TMEM231: variants seen among roughly 807,000 people sequenced by gnomAD.
TMEM231 encodes transmembrane protein 231.
In TMEM231, 40 loss-of-function variants were observed where a neutral mutation model predicts 38.5. That is an observed-to-expected ratio of 1.04 (90% CI 0.81 to 1.35). TMEM231 has a LOEUF of 1.35. TMEM231 is among the 40% of genes most tolerant of loss of function. The pLI, the probability that TMEM231 is intolerant of heterozygous loss-of-function variation, is 0.00. For synonymous variants in TMEM231, 199 were observed against 181.7 expected, an observed-to-expected ratio of 1.10 and a Z score of -0.77; for missense variants, 420 against 416.9, an observed-to-expected ratio of 1.01 and a Z score of -0.07.
intron 4 of TMEM231, among the ~76,000 whole-genome samples, chr16:75,544,035 C>A (rs1488051759): frequency 2.6e-5 from 4 of 152,210 alleles, no homozygotes; most frequent in Non-Finnish European, 5.9e-5. Flanking sequence ...CACAGACAGG[C>A]TCTGTTATCT....
Position 75,556,012 on chromosome 16 carries a change from C to T in TMEM231, c.140-39G>A, listed in dbSNP as rs563689568. The stretch of plus-strand genomic sequence containing the variant: ...GGCGGTAGGGAGGCGGTTAGGGAGG[C>T]CGGCCCTGGCCGAGCGCGCCCGGGG... On this transcript the variant is annotated intron_variant, in intron 1 of 6. Coordinates refer to ENST00000258173, the MANE Select transcript of TMEM231 (RefSeq NM_001077418.3). 2.2e-5 allele frequency: 35 copies of T among 1,575,474 alleles called. No individual in the cohort carries two copies. The East Asian group carries it at 7.9e-4, about 36-fold the overall frequency.
chr16:75,550,185 G>C (rs1235161678), intron 2 of TMEM231, among the ~76,000 whole-genome samples: 2 of 152,196 alleles, frequency 1.3e-5, no homozygotes, highest in East Asian at 3.9e-4. Context: ...TCAGGGAAGA[G>C]GCCTCGAAGA....
chr16:75,544,260 C>A (rs572427410), intron 4 of TMEM231, among the ~76,000 whole-genome samples: 5 of 152,118 alleles, frequency 3.3e-5, no homozygotes, highest in African/African-American at 1.2e-4. Flanking sequence ...GTAGGCCAGG[C>A]GGCAGGAGGG....
chr16:75,540,979 C>G (rs149423403), intron 6 of TMEM231, among the ~76,000 whole-genome samples: 41 of 152,186 alleles, frequency 2.7e-4, no homozygotes, highest in African/African-American at 8.7e-4. Flanking sequence ...GGAATCATTC[C>G]TCTTTGAAAA....
At chr16:75,542,456 C>T in intron 5 of TMEM231, 146 bp downstream of exon 5, 2 of 777,546 alleles carry the variant, frequency 2.6e-6, no homozygotes, top group Admixed American at 2.1e-5. Flanking sequence ...AAAGACAAAT[C>T]CTGGACAGCA....
intron 4 of TMEM231, among the ~76,000 whole-genome samples, chr16:75,543,061 GGAGAAAGAATTCCTTAAA>G (rs1176168963): frequency 6.6e-6 from 1 of 152,080 alleles, no homozygotes; most frequent in African/African-American, 2.4e-5. Flanking sequence ...TATCTCAGCG[GGAGAAAGAATTCCTTAAA>G]TTATTTTAAC....
chr16:75,555,636 C>G, intron 2 of TMEM231, 168 bp downstream of exon 2: 2 of 605,798 alleles, frequency 3.3e-6, no homozygotes, highest in Non-Finnish European at 5.3e-6. Context: ...AACAGAAGAT[C>G]GATTCCCTAG....
chr16:75,540,050 TG>T lies in TMEM231; in HGVS notation c.894del (p.Thr299ProfsTer4), dbSNP rs1368195969. 1 of 1,613,630 alleles carries T rather than the reference TG, an allele frequency of 6.2e-7. No individual in the cohort carries two copies. The highest frequency in any genetic ancestry group is 8.5e-7 in the Non-Finnish European group (1 of 1,179,736). On this transcript the variant is annotated frameshift_variant, in exon 7 of 7. Coordinates refer to ENST00000258173, the MANE Select transcript of TMEM231 (RefSeq NM_001077418.3). LOFTEE classifies it high-confidence loss of function. ...KIFVFQNQVV[T>X]TIPVTVTPRG... Reference sequence around the variant, plus strand: ...CGGGGCGTCACTGTCACAGGAATGGTGGTCACCACCTGATTCTGAAACACGA... The same window carrying T: ...CGGGGCGTCACTGTCACAGGAATGGTGTCACCACCTGATTCTGAAACACGA...
intron 2 of TMEM231, among the ~76,000 whole-genome samples, chr16:75,554,450 G>C (rs553706095): frequency 2.6e-4 from 39 of 150,290 alleles, no homozygotes; most frequent in Admixed American, 1.7e-3. Flanking sequence ...GGAGGCTAAG[G>C]CACGAGAATT....
chr16:75,545,376 A>G lies in TMEM231; in HGVS notation c.558T>C (p.Cys186=), dbSNP rs1597041303. Residue 186 remains cysteine, a synonymous_variant, in exon 4 of 7, where the codon TGT becomes TGC. Coordinates refer to ENST00000258173, the MANE Select transcript of TMEM231 (RefSeq NM_001077418.3). ...LRLQQKQPLS[C]GGLDARYNIS... Reference sequence around the variant, plus strand: ...CGTTGTATCGGGCATCTAGGCCACCACAGCTCAGCGGCTGCTTCTGCTGCA... The same window carrying G: ...CGTTGTATCGGGCATCTAGGCCACCGCAGCTCAGCGGCTGCTTCTGCTGCA... 5.0e-6 allele frequency: 8 copies of G among 1,612,730 alleles called. No homozygotes were observed. In the East Asian group the frequency reaches 1.8e-4, roughly 36 times the overall value.
intron 4 of TMEM231, among the ~76,000 whole-genome samples, chr16:75,544,954 T>C (rs200661043): frequency 1.5e-4 from 18 of 120,812 alleles, no homozygotes; most frequent in African/African-American, 3.6e-4. Context: ...TTTTTCTTTT[T>C]TTTTTTTTTT....
chr16:75,549,061 A>C (rs1035632382), intron 2 of TMEM231, among the ~76,000 whole-genome samples: 9 of 152,000 alleles, frequency 5.9e-5, no homozygotes, highest in African/African-American at 2.2e-4. Context: ...AGTGGGTGAG[A>C]AGGAGAGCAG....
In TMEM231 at chr16:75,540,059, C is replaced by A. The variant is rs2080603455; in HGVS notation, c.886G>T (p.Val296Leu). 1 of 1,613,748 alleles carries A rather than the reference C, an allele frequency of 6.2e-7. No individual in the cohort carries two copies. The highest frequency in any genetic ancestry group is 2.2e-5 in the East Asian group (1 of 44,882). ...ACTGTCACAGGAATGGTGGTCACCA[C>A]CTGATTCTGAAACACGAAGATCTTG... is the stretch of plus-strand genomic sequence containing the variant. ...RIKIFVFQNQ[V>L]VTTIPVTVTP... The change falls in exon 7 of 7, where the codon GTG becomes TTG. Residue 296 changes from valine (V) to leucine (L), a missense_variant. Coordinates refer to ENST00000258173, the MANE Select transcript of TMEM231 (RefSeq NM_001077418.3).
intron 2 of TMEM231, among the ~76,000 whole-genome samples, chr16:75,549,423 T>C (rs2080730209): frequency 6.6e-6 from 1 of 152,190 alleles, no homozygotes; most frequent in African/African-American, 2.4e-5. Context: ...TTTATATCCA[T>C]TCATTGTCCC....
At chr16:75,540,925 C>G (rs926203166) in intron 6 of TMEM231, among the ~76,000 whole-genome samples, 2 of 152,178 alleles carry the variant, frequency 1.3e-5, no homozygotes, top group Admixed American at 1.3e-4. Flanking sequence ...GTCATGATTT[C>G]CAAGAGAAAA....
rs369010440 is a variant in TMEM231 at position 75,541,371 on chromosome 16, C to T, written c.749G>A (p.Arg250Gln). 9.3e-5 allele frequency: 150 copies of T among 1,610,600 alleles called. 1 individual carries two copies. The highest frequency in any genetic ancestry group is 1.1e-4 in the Non-Finnish European group (135 of 1,178,038). Residue 250 changes from arginine (R) to glutamine (Q), a missense_variant, in exon 6 of 7, where the codon CGA becomes CAA. Physicochemically the swap from Arg to Gln is conservative, Grantham distance 43. Coordinates refer to ENST00000258173, the MANE Select transcript of TMEM231 (RefSeq NM_001077418.3). ...ATATGAAATGACTTCCACAGGGTAT[C>T]GGATGATAGCATTAATCACAAATGG... ...DAPFVINAII[R>Q]YPVEVISYQP...
chr16:75,546,267 A>T (rs979075382), intron 2 of TMEM231, among the ~76,000 whole-genome samples: 1 of 152,176 alleles, frequency 6.6e-6, no homozygotes, highest in Non-Finnish European at 1.5e-5. Context: ...TTTTGCACTG[A>T]TATTTTTTTC....
intron 2 of TMEM231, among the ~76,000 whole-genome samples, chr16:75,550,699 ATTCAT>A (rs1277292808): frequency 6.8e-6 from 1 of 146,452 alleles, no homozygotes; most frequent in Non-Finnish European, 1.5e-5. Context: ...CGTACATTTC[ATTCAT>A]TTAAGTCGTA....
chr16:75,538,233 G>A lies in TMEM231; in HGVS notation c.*1761C>T, dbSNP rs557845616. On this transcript the variant is annotated 3_prime_UTR_variant, in exon 7 of 7. Transcript: ENST00000258173. ...TAGCACACTGCAGCCTCAAGCTCCT[G>A]GGCTCAAGTGATCCTCCCACCTTGG... 6.6e-6 allele frequency: 1 copy of A among 151,948 alleles called. No homozygotes were observed. The highest frequency in any genetic ancestry group is 1.5e-5 in the Non-Finnish European group (1 of 67,972). The allele number at this position is 151,948 out of a possible 1,614,324, so 9.4% of individuals were successfully genotyped here.
Sources: allele counts gnomAD v4.1 joint callset (sites outside exome capture counted in the v4.1 genomes callset), GRCh38; gene constraint gnomAD v4.1.1; transcripts MANE v1.5; gene names NCBI Gene and HGNC (gene_info 2026-07-23, HGNC 2026-07-21).